The following SLC22A23 variants were observed in gnomAD, a reference collection of about 807,000 sequenced individuals.
SLC22A23 encodes ion transporter protein.
A neutral mutation model predicts 61.0 loss-of-function variants in SLC22A23; 26 were observed. The observed-to-expected ratio is 0.43, with a 90% CI of 0.31 to 0.59. The LOEUF is 0.59. Among genes scored for constraint, SLC22A23 ranks in the 20% least tolerant of loss-of-function variants. The pLI is 0.11. For synonymous variants in SLC22A23, 430 were observed against 413.9 expected (o/e 1.04, Z -0.47); for missense variants, 796 against 934.7 (o/e 0.85, Z 1.94).
intron 3 of SLC22A23, among the ~76,000 whole-genome samples, chr6:3,354,623 C>G (rs76931947): frequency 0.017 from 2,657 of 152,274 alleles, 24 homozygotes; most frequent in African/African-American, 0.038. Context: ...AATGGATGAA[C>G]TGAAACACAG....
At chr6:3,300,631 A>C (rs375446552) in intron 4 of SLC22A23, among the ~76,000 whole-genome samples, 1 of 152,248 alleles carries the variant, frequency 6.6e-6, no homozygotes, top group Non-Finnish European at 1.5e-5. Context: ...ATCCAGGGTA[A>C]GGTATTTTGT....
chr6:3,284,624 T>C (rs1441378761), intron 8 of SLC22A23, among the ~76,000 whole-genome samples: 1 of 152,162 alleles, frequency 6.6e-6, no homozygotes, highest in African/African-American at 2.4e-5. Context: ...CAGCAGCAGC[T>C]TCGAGGTGCA....
intron 3 of SLC22A23, among the ~76,000 whole-genome samples, chr6:3,408,614 T>C (rs1012296014): frequency 6.6e-5 from 10 of 152,182 alleles, no homozygotes; most frequent in African/African-American, 2.4e-4. Flanking sequence ...CTTCTCCCCA[T>C]TCTCTGGCAG....
At chr6:3,452,976 C>T (rs1367507465) in intron 1 of SLC22A23, among the ~76,000 whole-genome samples, 3 of 152,136 alleles carry the variant, frequency 2.0e-5, no homozygotes, top group African/African-American at 7.2e-5. Flanking sequence ...TGATCATGGT[C>T]TGGAAGCAGA....
At chr6:3,350,115 C>G (rs1764677875) in intron 3 of SLC22A23, among the ~76,000 whole-genome samples, 1 of 152,140 alleles carries the variant, frequency 6.6e-6, no homozygotes, top group African/African-American at 2.4e-5. Context: ...ACACACACAC[C>G]CCAAATTTTC....
chr6:3,362,435 AT>A (rs767405064), intron 3 of SLC22A23, among the ~76,000 whole-genome samples: 17,040 of 112,648 alleles, frequency 0.15, 4,820 homozygotes, highest in South Asian at 0.27. Context: ...AAAATAAAAA[AT>A]AAAAATTAGC....
At chr6:3,377,251 GAA>G (rs1766632105) in intron 3 of SLC22A23, among the ~76,000 whole-genome samples, 1 of 152,222 alleles carries the variant, frequency 6.6e-6, no homozygotes, top group African/African-American at 2.4e-5. Context: ...GGACATTACA[GAA>G]AAAGTTTGCT....
chr6:3,387,980 C>T lies in SLC22A23; in HGVS notation c.913+22208G>A, dbSNP rs1469767519. Among the ~76,000 whole-genome samples the T allele has an allele frequency of 6.6e-6, 1 of 152,198 alleles. No homozygotes were observed. Among genetic ancestry groups the T allele is most frequent in the African/African-American group, 2.4e-5 (1 of 41,446 alleles). On this transcript the variant is annotated intron_variant, in intron 3 of 9. Transcript: ENST00000406686. The surrounding 1 kb of genome is among the most constrained non-coding windows in gnomAD (Gnocchi z 5.0). ...GAAAGAGAAGCCCAACAAGTCCCCT[C>T]TGGCAAGTGCAATTTTTCCCACCAG...
At chr6:3,426,045 T>C (rs999071931) in intron 1 of SLC22A23, among the ~76,000 whole-genome samples, 2 of 152,240 alleles carry the variant, frequency 1.3e-5, no homozygotes, top group African/African-American at 4.8e-5. Flanking sequence ...TATTTCATTG[T>C]TACAGTGACT....
chr6:3,310,562 C>T (rs17133185), intron 4 of SLC22A23, among the ~76,000 whole-genome samples: 20,963 of 152,192 alleles, frequency 0.14, 1,785 homozygotes, highest in East Asian at 0.24. Flanking sequence ...AAGTCTCAAG[C>T]CCGTCTGATT....
intron 3 of SLC22A23, among the ~76,000 whole-genome samples, chr6:3,397,930 G>A (rs1768115673): frequency 6.6e-6 from 1 of 152,242 alleles, no homozygotes; most frequent in South Asian, 2.1e-4. Flanking sequence ...GCCCAACGGG[G>A]AGCAAATGAC....
At chr6:3,344,509 C>CA (rs1218328054) in intron 3 of SLC22A23, among the ~76,000 whole-genome samples, 1 of 152,164 alleles carries the variant, frequency 6.6e-6, no homozygotes, top group Non-Finnish European at 1.5e-5. Context: ...CTGACACGAC[C>CA]ATGTGGTTAA....
chr6:3,303,525 G>C (rs754614653), intron 4 of SLC22A23, among the ~76,000 whole-genome samples: 1 of 152,196 alleles, frequency 6.6e-6, no homozygotes, highest in Non-Finnish European at 1.5e-5. Context: ...CTGTAAAAAA[G>C]AATGAAATCC....
At chr6:3,326,191 T>C (rs1763270544) in intron 3 of SLC22A23, among the ~76,000 whole-genome samples, 1 of 152,242 alleles carries the variant, frequency 6.6e-6, no homozygotes, top group Non-Finnish European at 1.5e-5. Context: ...AGTGAGTTGC[T>C]GTGGCTGGCA....
intron 9 of SLC22A23, among the ~76,000 whole-genome samples, chr6:3,280,745 C>T (rs1228544405): frequency 6.6e-6 from 1 of 152,146 alleles, no homozygotes; most frequent in Non-Finnish European, 1.5e-5. Context: ...ATCTGCCCGC[C>T]TCAGCCTCCC....
At chr6:3,362,790 G>C (rs1268780235) in intron 3 of SLC22A23, among the ~76,000 whole-genome samples, 1 of 152,220 alleles carries the variant, frequency 6.6e-6, no homozygotes, top group African/African-American at 2.4e-5. Flanking sequence ...GGACCCAGGA[G>C]AGGAAGCATG....
chr6:3,284,498 C>T (rs1260570691), intron 8 of SLC22A23, among the ~76,000 whole-genome samples: 1 of 152,242 alleles, frequency 6.6e-6, no homozygotes, highest in Non-Finnish European at 1.5e-5. Flanking sequence ...TGGCACAGTG[C>T]ACGGGCATGC....
At chr6:3,350,326 G>A (rs529132976) in intron 3 of SLC22A23, among the ~76,000 whole-genome samples, 20 of 152,302 alleles carry the variant, frequency 1.3e-4, no homozygotes, top group African/African-American at 4.8e-4. Context: ...GAAGGCTGCT[G>A]TTTTTGTACA....
intron 3 of SLC22A23, among the ~76,000 whole-genome samples, chr6:3,393,933 C>T (rs1767832816): frequency 6.6e-6 from 1 of 152,196 alleles, no homozygotes; most frequent in Non-Finnish European, 1.5e-5. Flanking sequence ...TCCACACAGG[C>T]ATCACAAATG....
Sources: allele counts gnomAD v4.1 joint callset (sites outside exome capture counted in the v4.1 genomes callset), GRCh38; gene constraint gnomAD v4.1.1; non-coding constraint Gnocchi (gnomAD v3.1); transcripts MANE v1.5; gene names NCBI Gene and HGNC (gene_info 2026-07-23, HGNC 2026-07-21).